The following ZNF516 variants were observed in gnomAD, a reference collection of about 807,000 sequenced individuals.
ZNF516 encodes zinc finger protein 516.
Under a neutral mutation model 79.7 loss-of-function variants are expected in ZNF516, and 19 were observed. That is an observed-to-expected ratio of 0.24 (90% CI 0.17 to 0.35). The LOEUF is 0.35. ZNF516 is among the 10% of genes least tolerant of loss of function. ZNF516 has a pLI of 1.00. For synonymous variants in ZNF516, 877 were observed against 739.5 expected, an observed-to-expected ratio of 1.19 and a Z score of -3.02; for missense variants, 1,678 against 1,679.5, an observed-to-expected ratio of 1.00 and a Z score of 0.02.
intron 4 of ZNF516, among the ~76,000 whole-genome samples, chr18:76,373,239 G>GAGGAGGGGAGCGGAGGGGAGGGGAA (rs1033034688): frequency 6.6e-6 from 1 of 150,910 alleles, no homozygotes; most frequent in Non-Finnish European, 1.5e-5. Flanking sequence ...GAGGAGGGAA[G>GAGGAGGGGAGCGGAGGGGAGGGGAA]AGGAGGGGAG....
intron 3 of ZNF516, 38 bp from the exon 4 acceptor site, chr18:76,380,341 TC>T: frequency 6.3e-7 from 1 of 1,598,824 alleles, no homozygotes; most frequent in Non-Finnish European, 8.5e-7. Context: ...AGTTACCATT[TC>T]TCATCAGAAC....
chr18:76,386,348 A>G (rs2145098838), intron 3 of ZNF516: 1 of 152,256 alleles, frequency 6.6e-6, no homozygotes, highest in East Asian at 1.9e-4. Flanking sequence ...GCTCACCTGC[A>G]TATTAACAGG....
intron 1 of ZNF516, among the ~76,000 whole-genome samples, chr18:76,469,762 T>C (rs1913716653): frequency 6.6e-6 from 1 of 152,240 alleles, no homozygotes; most frequent in Non-Finnish European, 1.5e-5. Flanking sequence ...CTGCCTCATG[T>C]GTCTTTCAAC....
chr18:76,490,164 C>T (rs1388282810), intron 1 of ZNF516: 1 of 985,208 alleles, frequency 1.0e-6, no homozygotes, highest in Non-Finnish European at 1.2e-6. Context: ...ATCCCAGAGC[C>T]CATTCAAGAT....
In ZNF516 at chr18:76,490,974, C is replaced by T. The variant is rs541640746; in HGVS notation, c.-272+4170G>A. 2,780 of 985,422 alleles carry T rather than the reference C, an allele frequency of 2.8e-3. 3 individuals are homozygous for T. Among genetic ancestry groups the T allele is most frequent in the Middle Eastern group, 9.4e-3 (18 of 1,914 alleles). 61.0% of individuals were successfully genotyped at this position (985,422 alleles called of 1,614,324 possible). A position where few individuals can be genotyped will look rare whatever the true frequency, so the allele number is the denominator to read the frequency against. ...ACACACGCAGAACACAAAACCCCCA[C>T]GCAGCAGCCCCTCGCGAGGCGCCCC... On this transcript the variant is annotated intron_variant, in intron 1 of 6. Coordinates refer to ENST00000443185, the MANE Select transcript of ZNF516 (RefSeq NM_014643.4).
At chr18:76,464,945 T>C (rs1288239375) in intron 1 of ZNF516, among the ~76,000 whole-genome samples, 2 of 152,156 alleles carry the variant, frequency 1.3e-5, no homozygotes, top group Non-Finnish European at 1.5e-5. Context: ...GAGAAACTAC[T>C]GGAATGCGAC....
rs1030581043 is a variant in ZNF516 at position 76,398,085 on chromosome 18, A to C, written c.1811-17782T>G. Among the ~76,000 whole-genome samples the C allele has an allele frequency of 2.0e-5, 3 of 152,212 alleles. No individual in the cohort carries two copies. The South Asian group carries it at 6.2e-4, about 31-fold the overall frequency. On this transcript the variant is annotated intron_variant, in intron 3 of 6. Transcript: ENST00000443185. ...CAGCAGTTTATCCGGCATAAAACAT[A>C]ATCAGGTTCCAGAAACCTGGAATTT...
intron 4 of ZNF516, among the ~76,000 whole-genome samples, chr18:76,374,467 G>A (rs781535529): frequency 6.6e-6 from 1 of 152,278 alleles, no homozygotes. Context: ...CTTCCTGTTT[G>A]GGTAGAGTTT....
At chr18:76,492,458 G>A in intron 1 of ZNF516, 1 of 730,062 alleles carries the variant, frequency 1.4e-6, no homozygotes, top group Non-Finnish European at 1.7e-6. Flanking sequence ...ACTTTCACTG[G>A]CCACGAGCGC....
At chr18:76,387,578 T>C (rs1316776472) in intron 3 of ZNF516, 2 of 152,156 alleles carry the variant, frequency 1.3e-5, no homozygotes, top group Non-Finnish European at 2.9e-5. Flanking sequence ...GCACACCAAC[T>C]ATATAACGTG....
At position 76,366,537 on chromosome 18, in the gene ZNF516, CA is replaced by C. The variant is rs531189916; in HGVS notation, c.3433-3981del. On this transcript the variant is annotated intron_variant, in intron 6 of 6. Coordinates refer to ENST00000443185, the MANE Select transcript of ZNF516 (RefSeq NM_014643.4). ...ACGCTGGCAGGTTCCGACAAAGCCA[CA>C]AGACACCAAGTAAAGAAAACATGCC... Among the ~76,000 whole-genome samples the C allele has an allele frequency of 2.5e-3, 387 of 152,314 alleles. 3 individuals are homozygous for C. Among genetic ancestry groups the C allele is most frequent in the African/African-American group, 8.6e-3 (359 of 41,560 alleles).
intron 6 of ZNF516, among the ~76,000 whole-genome samples, chr18:76,368,021 C>G (rs2144910874): frequency 6.6e-6 from 1 of 152,150 alleles, no homozygotes; most frequent in East Asian, 1.9e-4. Context: ...GGAAAAGAAT[C>G]CGATTTAAAT....
At chr18:76,403,203 T>C (rs903156891) in intron 3 of ZNF516, among the ~76,000 whole-genome samples, 2 of 152,194 alleles carry the variant, frequency 1.3e-5, no homozygotes, top group African/African-American at 4.8e-5. Flanking sequence ...CACCTGGAAG[T>C]CCATACAACA....
intron 2 of ZNF516, among the ~76,000 whole-genome samples, chr18:76,452,914 C>T (rs909629209): frequency 1.3e-5 from 2 of 152,130 alleles, no homozygotes; most frequent in Admixed American, 6.5e-5. Context: ...CAAGATAGTT[C>T]TAGAGACTTT....
At chr18:76,473,540 G>A (rs1158251312) in intron 1 of ZNF516, among the ~76,000 whole-genome samples, 6 of 152,182 alleles carry the variant, frequency 3.9e-5, no homozygotes, top group African/African-American at 7.2e-5. Context: ...GGTGGCTCAC[G>A]CCTGTAATCA....
intron 3 of ZNF516, among the ~76,000 whole-genome samples, chr18:76,429,854 T>C (rs1343325946): frequency 6.6e-6 from 1 of 152,234 alleles, no homozygotes; most frequent in Admixed American, 6.5e-5. Flanking sequence ...GCTACCAGGC[T>C]GTTCTGCAAA....
At chr18:76,456,620 A>G (rs1912740314) in intron 2 of ZNF516, among the ~76,000 whole-genome samples, 1 of 152,030 alleles carries the variant, frequency 6.6e-6, no homozygotes, top group Admixed American at 6.6e-5. Context: ...TGTGTGGCTC[A>G]TCCTCACTGG....
intron 1 of ZNF516, chr18:76,491,091 G>A (rs1568335315): frequency 1.0e-6 from 1 of 985,286 alleles, no homozygotes. Context: ...TCGTCCTCGG[G>A]GCCACGCCTT....
At chr18:76,392,157 C>CA (rs2075083163) in intron 3 of ZNF516, among the ~76,000 whole-genome samples, 1 of 152,214 alleles carries the variant, frequency 6.6e-6, no homozygotes, top group Non-Finnish European at 1.5e-5. Flanking sequence ...ACAGGCCTTA[C>CA]ATCCAGGGCT....
Sources: allele counts gnomAD v4.1 joint callset (sites outside exome capture counted in the v4.1 genomes callset), GRCh38; gene constraint gnomAD v4.1.1; transcripts MANE v1.5; gene names NCBI Gene and HGNC (gene_info 2026-07-23, HGNC 2026-07-21).